MICU1: variants seen among roughly 807,000 people sequenced by gnomAD.
MICU1 encodes calcium uptake protein 1, mitochondrial.
A neutral mutation model predicts 56.8 loss-of-function variants in MICU1; 45 were observed. The observed-to-expected ratio is 0.79, with a 90% CI of 0.62 to 1.02. The LOEUF (loss-of-function observed/expected upper bound fraction) is 1.02. Among genes scored for constraint, MICU1 ranks in the 50% least tolerant of loss-of-function variants. The pLI, the probability that MICU1 is intolerant of heterozygous loss-of-function variation, is 0.00. For missense variants in MICU1, 504 were observed against 587.1 expected, an observed-to-expected ratio of 0.86 and a Z score of 1.46; for synonymous variants, 186 against 195.1, an observed-to-expected ratio of 0.95 and a Z score of 0.39.
At chr10:72,449,110 T>C (rs1027423332) in intron 8 of MICU1, among the ~76,000 whole-genome samples, 2 of 152,096 alleles carry the variant, frequency 1.3e-5, no homozygotes, top group African/African-American at 4.8e-5. Context: ...TTTAAAAAAT[T>C]TTTTAATCTG....
At chr10:72,568,154 C>A (rs934902236) in intron 1 of MICU1, among the ~76,000 whole-genome samples, 3 of 152,102 alleles carry the variant, frequency 2.0e-5, no homozygotes, top group Admixed American at 6.5e-5. Context: ...AAATATTTTT[C>A]ACACCCAGGT....
At chr10:72,459,720 G>A (rs965719513) in intron 8 of MICU1, among the ~76,000 whole-genome samples, 5 of 152,088 alleles carry the variant, frequency 3.3e-5, no homozygotes, top group Admixed American at 2.6e-4. Flanking sequence ...TAATAATACC[G>A]TATCTCTAAT....
chr10:72,601,922 C>CCA (rs1670228564), intron 1 of MICU1, among the ~76,000 whole-genome samples: 1 of 151,658 alleles, frequency 6.6e-6, no homozygotes, highest in Non-Finnish European at 1.5e-5. Context: ...GCCTCAGCCT[C>CCA]CTGAGTAGAT....
At chr10:72,392,211 G>C (rs2132068946) in intron 10 of MICU1, 1 of 152,304 alleles carries the variant, frequency 6.6e-6, no homozygotes, top group South Asian at 2.1e-4. Context: ...GGGGTCGGGG[G>C]GTGGAGGCGG....
intron 8 of MICU1, among the ~76,000 whole-genome samples, chr10:72,424,269 C>T (rs760653312): frequency 6.6e-6 from 1 of 152,052 alleles, no homozygotes; most frequent in Non-Finnish European, 1.5e-5. Context: ...CACACCACCA[C>T]GCCTGGCTAA....
chr10:72,524,108 T>C, intron 5 of MICU1: 1 of 593,648 alleles, frequency 1.7e-6, no homozygotes, highest in Non-Finnish European at 2.3e-6. Flanking sequence ...AGGAACATAA[T>C]ATCCCAAATA....
intron 10 of MICU1, among the ~76,000 whole-genome samples, chr10:72,398,445 C>T (rs1863339107): frequency 1.3e-5 from 2 of 149,444 alleles, no homozygotes; most frequent in Non-Finnish European, 3.0e-5. Context: ...AAGATCAGAG[C>T]AGAACTGAAA....
At chr10:72,437,569 T>C (rs1864774254) in intron 8 of MICU1, among the ~76,000 whole-genome samples, 1 of 152,294 alleles carries the variant, frequency 6.6e-6, no homozygotes, top group African/African-American at 2.4e-5. Context: ...TAAATGTAAA[T>C]GGGCTAAATG....
At chr10:72,611,840 A>C (rs1407834479) in intron 1 of MICU1, among the ~76,000 whole-genome samples, 1 of 151,998 alleles carries the variant, frequency 6.6e-6, no homozygotes, top group Non-Finnish European at 1.5e-5. Context: ...TCACAACGCT[A>C]TCTGGGCACT....
At chr10:72,518,332 C>T (rs936763965) in intron 5 of MICU1, among the ~76,000 whole-genome samples, 1 of 151,832 alleles carries the variant, frequency 6.6e-6, no homozygotes, top group Non-Finnish European at 1.5e-5. Context: ...CTGCACCTGG[C>T]CTGTTTTCTT....
intron 8 of MICU1, among the ~76,000 whole-genome samples, chr10:72,424,163 A>T (rs1434714542): frequency 6.7e-6 from 1 of 148,582 alleles, no homozygotes; most frequent in Non-Finnish European, 1.5e-5. Flanking sequence ...TCCAGGCTGG[A>T]GTGCAATGGT....
chr10:72,404,643 T>C (rs575808700), intron 10 of MICU1, among the ~76,000 whole-genome samples: 22 of 152,328 alleles, frequency 1.4e-4, no homozygotes, highest in African/African-American at 5.3e-4. Context: ...TGGAATATTA[T>C]GAACAACTTC....
At chr10:72,591,890 A>C (rs943508368) in intron 1 of MICU1, among the ~76,000 whole-genome samples, 4 of 151,912 alleles carry the variant, frequency 2.6e-5, no homozygotes, top group Admixed American at 2.6e-4. Flanking sequence ...GTGCGCCTGG[A>C]ATCTCAGCTA....
intron 5 of MICU1, chr10:72,509,376 A>G (rs1222112773): frequency 7.5e-7 from 1 of 1,335,720 alleles, no homozygotes; most frequent in Admixed American, 2.0e-5. Context: ...GCATCCAGTT[A>G]CACAACTATC....
At chr10:72,401,301 G>A (rs993638464) in intron 10 of MICU1, among the ~76,000 whole-genome samples, 1 of 152,160 alleles carries the variant, frequency 6.6e-6, no homozygotes, top group Non-Finnish European at 1.5e-5. Flanking sequence ...TATACAATGT[G>A]ATGTTTTGAC....
chr10:72,615,466 A>G (rs1358989001), intron 1 of MICU1, among the ~76,000 whole-genome samples: 1 of 152,066 alleles, frequency 6.6e-6, no homozygotes, highest in Non-Finnish European at 1.5e-5. Flanking sequence ...TTTTTCCTGT[A>G]AACTGGAAGT....
At chr10:72,451,453 A>C (rs909771185) in intron 8 of MICU1, among the ~76,000 whole-genome samples, 1 of 152,226 alleles carries the variant, frequency 6.6e-6, no homozygotes, top group African/African-American at 2.4e-5. Flanking sequence ...AGCTGTTCCC[A>C]AAATCTCCCA....
chr10:72,464,287 TTC>T lies in MICU1; in HGVS notation c.933+10811_933+10812del, dbSNP rs1230087878. Among the ~76,000 whole-genome samples the T allele has an allele frequency of 2.5e-5, 3 of 117,710 alleles. No individual in the cohort carries two copies. In the East Asian group the frequency reaches 6.3e-4, roughly 25 times the overall value. The allele number at this position is 117,710 out of a possible 152,430, so 77.2% of individuals were successfully genotyped here. A position where few individuals can be genotyped will look rare whatever the true frequency, so the allele number is the denominator to read the frequency against. On this transcript the variant is annotated intron_variant, in intron 8 of 11. Coordinates refer to ENST00000361114, the MANE Select transcript of MICU1 (RefSeq NM_001195518.2). ...CTCTAGCCGGGGTGACAGAGTGAGA[TTC>T]TGTCTCAAAAAAAAAAAAAAAAAAA... is the stretch of plus-strand genomic sequence containing the variant.
chr10:72,572,650 A>G (rs888655052), intron 1 of MICU1, among the ~76,000 whole-genome samples: 2 of 152,096 alleles, frequency 1.3e-5, no homozygotes, highest in African/African-American at 4.8e-5. Context: ...AAACCAACAG[A>G]AAGTTGGGTA....
Sources: allele counts gnomAD v4.1 joint callset (sites outside exome capture counted in the v4.1 genomes callset), GRCh38; gene constraint gnomAD v4.1.1; transcripts MANE v1.5; gene names NCBI Gene and HGNC (gene_info 2026-07-23, HGNC 2026-07-21).